Variants in CNGA3 observed in about 807,000 individuals in gnomAD.
CNGA3 encodes cyclic nucleotide-gated channel alpha-3.
CNGA3 carries 42 observed loss-of-function variants against 46.6 expected under a neutral mutation model. That is an observed-to-expected ratio of 0.90 (90% CI 0.70 to 1.17). The LOEUF (loss-of-function observed/expected upper bound fraction) is 1.17. CNGA3 is among the 50% of genes most tolerant of loss of function. The pLI, the probability that CNGA3 is intolerant of heterozygous loss-of-function variation, is 0.00. For missense variants in CNGA3, 893 were observed against 890.7 expected (o/e 1.00, Z -0.03); for synonymous variants, 394 against 369.4 (o/e 1.07, Z -0.76).
chr2:98,361,953 T>C (rs984563026), intron 1 of CNGA3, among the ~76,000 whole-genome samples: 12 of 151,964 alleles, frequency 7.9e-5, no homozygotes, highest in African/African-American at 2.9e-4. Context: ...GTGATCCACC[T>C]GCCTCGGCCT....
intron 5 of CNGA3, among the ~76,000 whole-genome samples, chr2:98,384,421 GC>G (rs1427096388): frequency 6.6e-6 from 1 of 152,188 alleles, no homozygotes; most frequent in Admixed American, 6.5e-5. Context: ...AGTGAGAAAT[GC>G]CGATTTCTTG....
intron 1 of CNGA3, among the ~76,000 whole-genome samples, chr2:98,366,361 C>T (rs1387239488): frequency 6.6e-6 from 1 of 152,216 alleles, no homozygotes; most frequent in Non-Finnish European, 1.5e-5. Context: ...GTTGAGGGGT[C>T]TCACCCAGTC....
intron 6 of CNGA3, among the ~76,000 whole-genome samples, 155 bp from the exon 7 acceptor site, chr2:98,391,709 C>T (rs939151384): frequency 6.6e-6 from 1 of 152,148 alleles, no homozygotes; most frequent in Non-Finnish European, 1.5e-5. Flanking sequence ...TCATCAGAAG[C>T]GGGGGTGATT....
At chr2:98,348,954 G>A (rs1195564572) in intron 1 of CNGA3, among the ~76,000 whole-genome samples, 1 of 152,134 alleles carries the variant, frequency 6.6e-6, no homozygotes, top group African/African-American at 2.4e-5. Context: ...CCCCAGCAAG[G>A]TTATGTTGCA....
At chr2:98,352,203 C>T (rs1241570379) in intron 1 of CNGA3, among the ~76,000 whole-genome samples, 1 of 152,156 alleles carries the variant, frequency 6.6e-6, no homozygotes, top group Non-Finnish European at 1.5e-5. Context: ...TTATTCTTTC[C>T]TATCGCCAAA....
intron 5 of CNGA3, among the ~76,000 whole-genome samples, chr2:98,388,287 G>A (rs979042050): frequency 6.6e-6 from 1 of 152,160 alleles, no homozygotes; most frequent in East Asian, 1.9e-4. Flanking sequence ...AGAAAAGAAC[G>A]AAGAGAAAAA....
intron 5 of CNGA3, among the ~76,000 whole-genome samples, chr2:98,387,874 G>A (rs1052694366): frequency 2.6e-5 from 4 of 152,172 alleles, no homozygotes; most frequent in African/African-American, 9.7e-5. Flanking sequence ...CCTGGCGTGG[G>A]ATTTCCAAAA....
At chr2:98,368,763 G>T (rs1692219657) in intron 1 of CNGA3, among the ~76,000 whole-genome samples, 2 of 152,196 alleles carry the variant, frequency 1.3e-5, no homozygotes, top group African/African-American at 2.4e-5. Context: ...AGGATAATTT[G>T]TTGGGTAGGG....
intron 4 of CNGA3, among the ~76,000 whole-genome samples, chr2:98,381,443 T>G (rs1386278695): frequency 6.6e-6 from 1 of 152,076 alleles, no homozygotes; most frequent in Non-Finnish European, 1.5e-5. Flanking sequence ...GGGTTTCTGG[T>G]GTGTGAAGGT....
intron 1 of CNGA3, among the ~76,000 whole-genome samples, chr2:98,367,039 C>T (rs1222102598): frequency 6.6e-6 from 1 of 152,098 alleles, no homozygotes; most frequent in Non-Finnish European, 1.5e-5. Flanking sequence ...GGCGCTCCAC[C>T]CTGCTTGTCC....
rs781008009 is a variant in CNGA3, at chr2:98,397,532, G to C, written c.*277G>C. ...CAAGGTATCCCCAGTCCAAGTATAT[G>C]AAAACGTGCACACAGGACTCTCATT... On this transcript the variant is annotated 3_prime_UTR_variant, in exon 8 of 8. Coordinates refer to ENST00000272602, the MANE Select transcript of CNGA3 (RefSeq NM_001298.3). 4.9e-5 allele frequency: 25 copies of C among 512,464 alleles called. No homozygotes were observed. The highest frequency in any genetic ancestry group is 7.4e-5 in the Non-Finnish European group (21 of 284,564). 31.7% of individuals were successfully genotyped at this position (512,464 alleles called of 1,614,324 possible).
At chr2:98,382,579 T>C (rs1414790943) in intron 4 of CNGA3, among the ~76,000 whole-genome samples, 1 of 152,220 alleles carries the variant, frequency 6.6e-6, no homozygotes, top group Non-Finnish European at 1.5e-5. Context: ...CAGGCTCCAG[T>C]TCCCGTGGTC....
At chr2:98,348,745 A>G (rs1691702807) in intron 1 of CNGA3, among the ~76,000 whole-genome samples, 1 of 152,218 alleles carries the variant, frequency 6.6e-6, no homozygotes, top group Non-Finnish European at 1.5e-5. Flanking sequence ...AGTACAAAGG[A>G]CAAGGCTCAG....
rs974071690 is a variant in CNGA3 at position 98,347,728 on chromosome 2, C to T, written c.-38+1194C>T. 4.6e-5 allele frequency among the ~76,000 whole-genome samples: 7 copies of T among 152,214 alleles called. No individual in the cohort carries two copies. In the East Asian group the frequency reaches 9.6e-4, roughly 21 times the overall value. On this transcript the variant is annotated intron_variant, in intron 1 of 7. Coordinates refer to ENST00000272602, the MANE Select transcript of CNGA3 (RefSeq NM_001298.3). ...CCCGGCACCCCGACGGCAGACGCTC[C>T]CCATCACATCTTCCAAAGGGGCGAG...
intron 1 of CNGA3, among the ~76,000 whole-genome samples, chr2:98,357,129 A>C (rs1406878834): frequency 6.6e-6 from 1 of 152,326 alleles, no homozygotes; most frequent in African/African-American, 2.4e-5. Context: ...AATGTTTTTT[A>C]GGTAAAAGGA....
intron 2 of CNGA3, among the ~76,000 whole-genome samples, chr2:98,371,637 C>T (rs1236504402): frequency 6.6e-6 from 1 of 152,202 alleles, no homozygotes; most frequent in Non-Finnish European, 1.5e-5. Flanking sequence ...TTCCATCCTA[C>T]TCAAATACCT....
rs574344288 is a variant in CNGA3, at chr2:98,375,374, G to A, written c.102-2313G>A. 3.2e-3 allele frequency among the ~76,000 whole-genome samples: 493 copies of A among 152,302 alleles called. 2 individuals are homozygous for A. The highest frequency in any genetic ancestry group is 0.011 in the African/African-American group (463 of 41,562). On this transcript the variant is annotated intron_variant, in intron 2 of 7. Transcript: ENST00000272602. ...TTGGGATTGCCTCCAGATCTTCCAG[G>A]CACACAGGCTGTGACAGGGCCCCCG...
At chr2:98,359,302 A>C (rs1335974369) in intron 1 of CNGA3, among the ~76,000 whole-genome samples, 1 of 152,198 alleles carries the variant, frequency 6.6e-6, no homozygotes, top group Non-Finnish European at 1.5e-5. Flanking sequence ...GGTCTCAGCA[A>C]GTGTTTCCTG....
At chr2:98,377,596 A>T (rs1438965030) in intron 2 of CNGA3, 91 bp from the exon 3 acceptor site, 1 of 1,285,718 alleles carries the variant, frequency 7.8e-7, no homozygotes, top group Non-Finnish European at 1.1e-6. Flanking sequence ...TTCCCTGCTA[A>T]GCAGAACATC....
Sources: gnomAD v4.1 joint callset for allele counts (sites outside exome capture counted in the v4.1 genomes callset) on GRCh38, gnomAD v4.1.1 for gene constraint, MANE v1.5 for transcripts, NCBI Gene and HGNC (gene_info 2026-07-23, HGNC 2026-07-21) for gene names.